Variants in ANTXR2 observed in about 807,000 individuals in gnomAD.
The protein encoded by ANTXR2 is ANTXR cell adhesion molecule 2.
ANTXR2 carries 44 observed loss-of-function variants against 73.7 expected under a neutral mutation model. That is an observed-to-expected ratio of 0.60 (90% confidence interval 0.47 to 0.77). The LOEUF (loss-of-function observed/expected upper bound fraction) is 0.77, where lower values mean the gene tolerates loss of function less well. Ranked by LOEUF, ANTXR2 falls within the 30% of genes least tolerant of loss-of-function variation. The probability of loss-of-function intolerance (pLI) is 0.00; values close to 1 mark genes in which losing one functional copy is unlikely to be tolerated. For missense variants in ANTXR2, 604 were observed against 592.5 expected (o/e 1.02, Z -0.20); for synonymous variants, 217 against 205.9 (o/e 1.05, Z -0.46).
intron 16 of ANTXR2, among the ~76,000 whole-genome samples, chr4:79,956,482 C>T (rs538019527): frequency 5.3e-5 from 8 of 152,146 alleles, no homozygotes; most frequent in South Asian, 2.1e-4. Context: ...CTGTTACATT[C>T]GGCAATGTAC....
intron 16 of ANTXR2, among the ~76,000 whole-genome samples, chr4:79,952,711 T>C (rs1424534617): frequency 1.3e-5 from 2 of 151,916 alleles, no homozygotes; most frequent in East Asian, 1.9e-4. Flanking sequence ...TAAATGTTTA[T>C]AAATGATTAG....
intron 10 of ANTXR2, among the ~76,000 whole-genome samples, chr4:80,025,180 CAT>C (rs1262662019): frequency 2.0e-5 from 3 of 152,128 alleles, no homozygotes; most frequent in Admixed American, 6.5e-5. Flanking sequence ...AGTCATTCCA[CAT>C]GAGAAATTAT....
intron 14 of ANTXR2, 115 bp from the exon 15 acceptor site, chr4:79,978,289 G>A (rs1026911266): frequency 1.0e-6 from 1 of 985,122 alleles, no homozygotes; most frequent in East Asian, 2.9e-5. Context: ...AAGATGAGCA[G>A]GTATCCTAAT....
chr4:80,042,968 G>A (rs954401945), intron 7 of ANTXR2, among the ~76,000 whole-genome samples: 5 of 152,004 alleles, frequency 3.3e-5, no homozygotes, highest in African/African-American at 7.2e-5. Flanking sequence ...GGAGGAATCC[G>A]TCTAGGCAAA....
intron 3 of ANTXR2, among the ~76,000 whole-genome samples, chr4:80,065,915 A>C (rs908098481): frequency 1.3e-5 from 2 of 152,246 alleles, no homozygotes; most frequent in African/African-American, 4.8e-5. Context: ...TTGTGATTGT[A>C]ATATATAACA....
intron 16 of ANTXR2, among the ~76,000 whole-genome samples, chr4:79,957,076 C>A (rs1473297699): frequency 6.6e-6 from 1 of 152,002 alleles, no homozygotes; most frequent in African/African-American, 2.4e-5. Flanking sequence ...TTATGTGATT[C>A]CTTTTGGAGC....
chr4:80,056,364 G>A (rs1733992636), intron 3 of ANTXR2, among the ~76,000 whole-genome samples: 1 of 151,812 alleles, frequency 6.6e-6, no homozygotes, highest in South Asian at 2.1e-4. Context: ...AAATTGAGTA[G>A]CTCATCTTCA....
At chr4:79,925,358 G>T (rs114010515) in intron 16 of ANTXR2, among the ~76,000 whole-genome samples, 4 of 150,742 alleles carry the variant, frequency 2.7e-5, no homozygotes, top group Admixed American at 6.6e-5. Context: ...GGTTTCTTGG[G>T]CACTTCTATT....
At position 80,055,166 on chromosome 4, in the gene ANTXR2, T is replaced by A; in HGVS notation, c.539A>T (p.Asp180Val). The change falls in exon 6 of 17, where the codon GAT becomes GTT. Residue 180 changes from aspartate to valine, a missense_variant. Transcript: ENST00000403729. ...GTAACTTACCTGTGCTTGTTCAAAA[T>A]CAAGGACACCAACACAATAAACACT... ...GASVYCVGVL[D>V]FEQAQLERIA... The A allele has an allele frequency of 1.9e-6, 3 of 1,563,466 alleles. No individual in the cohort carries two copies. In the Admixed American group the frequency reaches 5.7e-5, roughly 30 times the overall value.
chr4:80,054,172 C>T, intron 7 of ANTXR2, 100 bp downstream of exon 7: 1 of 875,312 alleles, frequency 1.1e-6, no homozygotes, highest in Non-Finnish European at 1.8e-6. Context: ...TCTCTTTCCT[C>T]TAGATAATGA....
At position 79,905,479 on chromosome 4, in the gene ANTXR2, A is replaced by T. The variant is rs1726865312; in HGVS notation, c.*1950T>A. 6.6e-6 allele frequency: 1 copy of T among 152,202 alleles called. No individual in the cohort carries two copies. The highest frequency in any genetic ancestry group is 1.5e-5 in the Non-Finnish European group (1 of 68,038). 9.4% of individuals were successfully genotyped at this position (152,202 alleles called of 1,614,324 possible). ...CATGAGGGACATTTTGGAACTGAAT[A>T]GAATTCCATCCCTGAAACTAAGCAT... On this transcript the variant is annotated 3_prime_UTR_variant, in exon 17 of 17. Coordinates refer to ENST00000403729, the MANE Select transcript of ANTXR2 (RefSeq NM_058172.6).
chr4:79,904,928 A>T lies in ANTXR2; in HGVS notation c.*2501T>A, dbSNP rs975871505. On this transcript the variant is annotated 3_prime_UTR_variant, in exon 17 of 17. Transcript: ENST00000403729. ...GTAAGAAAATAACACTCTTCAAAAC[A>T]AATTCTTTTCAACTGCTAGTTAGTA... is the stretch of plus-strand genomic sequence containing the variant. The T allele has an allele frequency of 3.3e-5, 5 of 152,190 alleles. No individual in the cohort carries two copies. The highest frequency in any genetic ancestry group is 7.4e-5 in the Non-Finnish European group (5 of 68,024). 9.4% of individuals were successfully genotyped at this position (152,190 alleles called of 1,614,324 possible).
At chr4:80,058,680 A>T (rs1734111044) in intron 3 of ANTXR2, among the ~76,000 whole-genome samples, 1 of 22,598 alleles carries the variant, frequency 4.4e-5, no homozygotes, top group Non-Finnish European at 1.1e-4. Flanking sequence ...CTGTAATGTT[A>T]AAAAAAAAAG....
rs185823767 is a variant in ANTXR2, at chr4:79,998,571, T to A, written c.1041+9950A>T. 6.0e-4 allele frequency among the ~76,000 whole-genome samples: 92 copies of A among 152,068 alleles called. 1 individual carries two copies. Among genetic ancestry groups the A allele is most frequent in the Admixed American group, 1.1e-3 (17 of 15,248 alleles). On this transcript the variant is annotated intron_variant, in intron 12 of 16. Coordinates refer to ENST00000403729, the MANE Select transcript of ANTXR2 (RefSeq NM_058172.6). The stretch of plus-strand genomic sequence containing the variant: ...GCTCTTAACTCAAAATATCCCCTAA[T>A]CTAAACAATGATGAAAACATCCATA...
intron 9 of ANTXR2, among the ~76,000 whole-genome samples, chr4:80,033,033 G>C (rs1732773127): frequency 7.9e-5 from 12 of 151,862 alleles, no homozygotes; most frequent in Admixed American, 7.9e-4. Context: ...GGAACAAGTA[G>C]GAGAGAAGCT....
At chr4:79,964,133 A>G (rs1729256235) in intron 16 of ANTXR2, among the ~76,000 whole-genome samples, 1 of 152,210 alleles carries the variant, frequency 6.6e-6, no homozygotes, top group African/African-American at 2.4e-5. Flanking sequence ...ACCGCTGTAT[A>G]CACACTTTTA....
chr4:80,056,371 T>C (rs1167019302), intron 3 of ANTXR2, among the ~76,000 whole-genome samples: 2 of 151,892 alleles, frequency 1.3e-5, no homozygotes, highest in Non-Finnish European at 2.9e-5. Context: ...GTAGCTCATC[T>C]TCAATGACAA....
intron 16 of ANTXR2, among the ~76,000 whole-genome samples, chr4:79,965,441 T>C (rs1211508531): frequency 2.0e-5 from 3 of 152,224 alleles, no homozygotes; most frequent in African/African-American, 7.2e-5. Flanking sequence ...CATTTACTTC[T>C]TGACAATACA....
intron 2 of ANTXR2, among the ~76,000 whole-genome samples, chr4:80,070,093 T>C (rs911562596): frequency 3.9e-5 from 6 of 152,246 alleles, no homozygotes; most frequent in Non-Finnish European, 8.8e-5. Flanking sequence ...GCTATATCTT[T>C]CAAGTTTTAG....
Sources: allele counts gnomAD v4.1 joint callset (sites outside exome capture counted in the v4.1 genomes callset), GRCh38; gene constraint gnomAD v4.1.1; transcripts MANE v1.5; gene names NCBI Gene and HGNC (gene_info 2026-07-23, HGNC 2026-07-21).